APPL2: variants seen among roughly 807,000 people sequenced by gnomAD.
APPL2 encodes the protein adaptor protein, phosphotyrosine interacting with PH domain and leucine zipper 2.
A neutral mutation model predicts 92.7 loss-of-function variants in APPL2; 84 were observed. The observed-to-expected ratio is 0.91, with a 90% confidence interval of 0.76 to 1.09. APPL2 has a LOEUF of 1.09. Ranked by LOEUF, APPL2 falls within the 50% of genes least tolerant of loss-of-function variation. The probability of loss-of-function intolerance (pLI) is 0.00; values close to 1 mark genes in which losing one functional copy is unlikely to be tolerated. For synonymous variants in APPL2, 291 were observed against 291.0 expected (o/e 1.00, Z 0.00); for missense variants, 736 against 824.5 (o/e 0.89, Z 1.31).
At chr12:105,191,412 G>A (rs1566061990) in intron 14 of APPL2, among the ~76,000 whole-genome samples, 1 of 152,138 alleles carries the variant, frequency 6.6e-6, no homozygotes, top group Admixed American at 6.5e-5. Context: ...GTTTGATCCT[G>A]TCTTTAAGAG....
At position 105,181,534 on chromosome 12, in the gene APPL2, G is replaced by A. The variant is rs151223905; in HGVS notation, c.1635-4272C>T. The stretch of plus-strand genomic sequence containing the variant: ...TGTTTGGAATAGTTTTAGAAGGAAT[G>A]GTACCAGCTCCTCTTTGTAACTCTG... On this transcript the variant is annotated intron_variant, in intron 17 of 20. Transcript: ENST00000258530. 3.9e-5 allele frequency among the ~76,000 whole-genome samples: 6 copies of A among 152,306 alleles called. No individual in the cohort carries two copies. The East Asian group carries it at 9.6e-4, about 24-fold the overall frequency.
At chr12:105,183,732 G>T (rs1886342305) in intron 17 of APPL2, among the ~76,000 whole-genome samples, 1 of 152,134 alleles carries the variant, frequency 6.6e-6, no homozygotes, top group Admixed American at 6.5e-5. Context: ...ATGATTATGT[G>T]TCTTGGGGTT....
At chr12:105,180,203 G>C (rs1040460399) in intron 17 of APPL2, among the ~76,000 whole-genome samples, 2 of 152,302 alleles carry the variant, frequency 1.3e-5, no homozygotes, top group Middle Eastern at 3.4e-3. Context: ...TGGCTAGCCA[G>C]TTTTCCCAAC....
intron 2 of APPL2, among the ~76,000 whole-genome samples, chr12:105,228,062 G>C (rs1890654024): frequency 6.6e-6 from 1 of 152,174 alleles, no homozygotes; most frequent in South Asian, 2.1e-4. Flanking sequence ...CAACGGCAAG[G>C]ACTGAGTCTT....
At chr12:105,196,271 C>T (rs1242641778) in intron 11 of APPL2, among the ~76,000 whole-genome samples, 1 of 151,808 alleles carries the variant, frequency 6.6e-6, no homozygotes, top group Non-Finnish European at 1.5e-5. Context: ...TCCAAGATGA[C>T]CAGGACTCCA....
At chr12:105,209,665 T>C (rs918692333) in intron 5 of APPL2, among the ~76,000 whole-genome samples, 1 of 152,150 alleles carries the variant, frequency 6.6e-6, no homozygotes, top group Non-Finnish European at 1.5e-5. Flanking sequence ...TTCAAAAAAA[T>C]GCACCCACTA....
chr12:105,181,628 T>C (rs990442559), intron 17 of APPL2, among the ~76,000 whole-genome samples: 1 of 152,192 alleles, frequency 6.6e-6, no homozygotes, highest in African/African-American at 2.4e-5. Flanking sequence ...AATTATTGCC[T>C]CAATTTCAGA....
intron 1 of APPL2, 39 bp downstream of exon 1, chr12:105,235,920 A>T (rs1244949287): frequency 8.1e-7 from 1 of 1,230,220 alleles, no homozygotes; most frequent in Non-Finnish European, 1.0e-6. Flanking sequence ...CCTCGGCCTC[A>T]CCCCTGCGGG....
chr12:105,218,869 T>C (rs542716255), intron 2 of APPL2, among the ~76,000 whole-genome samples: 1 of 152,194 alleles, frequency 6.6e-6, no homozygotes, highest in Non-Finnish European at 1.5e-5. Flanking sequence ...CTGGGAGGCC[T>C]GTTTTGTGCC....
At chr12:105,196,430 T>C (rs1379301179) in intron 11 of APPL2, among the ~76,000 whole-genome samples, 2 of 45,312 alleles carry the variant, frequency 4.4e-5, no homozygotes, top group Admixed American at 4.8e-4. Context: ...TAACTCTTTT[T>C]TTTTTTTTTT....
intron 1 of APPL2, among the ~76,000 whole-genome samples, chr12:105,234,969 C>T (rs527664918): frequency 2.6e-5 from 4 of 152,174 alleles, no homozygotes; most frequent in Admixed American, 6.5e-5. Flanking sequence ...TCTGAACTGT[C>T]GATGTAGGTA....
intron 4 of APPL2, among the ~76,000 whole-genome samples, chr12:105,216,865 T>A (rs1889736542): frequency 2.0e-5 from 3 of 152,220 alleles, no homozygotes; most frequent in Admixed American, 1.3e-4. Flanking sequence ...TTCATATATA[T>A]CGAAGCCATT....
chr12:105,209,327 T>G (rs1486595368), intron 5 of APPL2, among the ~76,000 whole-genome samples: 1 of 152,094 alleles, frequency 6.6e-6, no homozygotes, highest in Non-Finnish European at 1.5e-5. Flanking sequence ...CCTGATGGCA[T>G]CAGAAAAGGA....
chr12:105,200,749 T>C (rs1055753789), intron 9 of APPL2, among the ~76,000 whole-genome samples: 1 of 152,196 alleles, frequency 6.6e-6, no homozygotes, highest in African/African-American at 2.4e-5. Context: ...CCAGTGTTTC[T>C]CCACATGAGC....
At chr12:105,230,864 G>A (rs1008067718) in intron 1 of APPL2, among the ~76,000 whole-genome samples, 4 of 152,132 alleles carry the variant, frequency 2.6e-5, no homozygotes, top group African/African-American at 9.7e-5. Flanking sequence ...AATGAATAAG[G>A]AAATTGTAAC....
At chr12:105,184,269 CA>C (rs1886392576) in intron 17 of APPL2, among the ~76,000 whole-genome samples, 1 of 152,194 alleles carries the variant, frequency 6.6e-6, no homozygotes, top group Admixed American at 6.5e-5. Context: ...GTAAATTCTT[CA>C]AACTCATTCT....
At chr12:105,208,306 C>CTT in intron 5 of APPL2, 107 bp from the exon 6 acceptor site, 13 of 1,319,302 alleles carry the variant, frequency 9.9e-6, no homozygotes, top group Non-Finnish European at 1.3e-5. Flanking sequence ...GCAAGGGAAG[C>CTT]CCCTGCACCC....
At chr12:105,226,283 A>G (rs559097463) in intron 2 of APPL2, among the ~76,000 whole-genome samples, 1 of 152,350 alleles carries the variant, frequency 6.6e-6, no homozygotes, top group East Asian at 1.9e-4. Context: ...GGCCCAGCCA[A>G]TCTGAACACA....
chr12:105,230,671 CT>C (rs1360819416), intron 1 of APPL2, among the ~76,000 whole-genome samples: 1 of 152,192 alleles, frequency 6.6e-6, no homozygotes, highest in East Asian at 1.9e-4. Context: ...GAATAAGAAC[CT>C]ATGCATTGGG....
Sources: allele counts gnomAD v4.1 joint callset (sites outside exome capture counted in the v4.1 genomes callset), GRCh38; gene constraint gnomAD v4.1.1; transcripts MANE v1.5; gene names NCBI Gene and HGNC (gene_info 2026-07-23, HGNC 2026-07-21).